TLN1: variants seen among roughly 807,000 people sequenced by gnomAD.
The protein encoded by TLN1 is talin 1, also known as talin-1.
TLN1 carries 56 observed loss-of-function variants against 292.3 expected under a neutral mutation model. The ratio of observed to expected loss-of-function variants is 0.19; its 90% CI spans 0.15 to 0.24. The LOEUF (loss-of-function observed/expected upper bound fraction) is 0.24, where lower values mean the gene tolerates loss of function less well. TLN1 is among the 10% of genes least tolerant of loss of function. The pLI, the probability that TLN1 is intolerant of heterozygous loss-of-function variation, is 1.00. For synonymous variants in TLN1, 1,119 were observed against 1,253.7 expected, an observed-to-expected ratio of 0.89 and a Z score of 2.27; for missense variants, 2,433 against 3,248.2, an observed-to-expected ratio of 0.75 and a Z score of 6.10.
In TLN1 at chr9:35,704,347, G is replaced by A; in HGVS notation, c.6032C>T (p.Thr2011Ile). The change falls in exon 45 of 57, where the codon ACT becomes ATT. Residue 2011 changes from threonine (T) to isoleucine (I), a missense_variant. Thr to Ile is a moderately conservative substitution (Grantham distance 89). Transcript: ENST00000314888. This position sits in a 1 kb window ranked among gnomAD's most constrained non-coding sequence, Gnocchi z 6.9. ...AGTLNREGTE[T>I]FADHREGILK... The stretch of plus-strand genomic sequence containing the variant: ...CCTGTCTTACCGGTGGTCAGCGAAA[G>A]TTTCAGTACCCTCACGATTGAGCGT... 6.2e-7 allele frequency: 1 copy of A among 1,613,726 alleles called. No individual in the cohort carries two copies. The highest frequency in any genetic ancestry group is 1.1e-5 in the South Asian group (1 of 91,044).
In TLN1 at chr9:35,706,226, G is replaced by A; in HGVS notation, c.5331C>T (p.Tyr1777=). ...TLAESALQLL[Y]TAKEAGGNPK... is the part of the protein sequence containing the mutation. ...GGTTACCACCAGCCTCCTTGGCAGT[G>A]TATAGCAACTGCAGGGCAGACTCTG... is the stretch of plus-strand genomic sequence containing the variant. The change falls in exon 40 of 57, where the codon TAC becomes TAT. Residue 1777 remains tyrosine, a synonymous_variant. Coordinates refer to ENST00000314888, the MANE Select transcript of TLN1 (RefSeq NM_006289.4). The surrounding 1 kb of genome is among the most constrained non-coding windows in gnomAD (Gnocchi z 4.2). 6.2e-7 allele frequency: 1 copy of A among 1,610,996 alleles called. No homozygotes were observed. Among genetic ancestry groups the A allele is most frequent in the Non-Finnish European group, 8.5e-7 (1 of 1,178,356 alleles).
In TLN1 at chr9:35,698,182, G is replaced by C. The variant is rs766871894; in HGVS notation, c.7372-10C>G. The C allele has an allele frequency of 5.6e-6, 9 of 1,613,756 alleles. No homozygotes were observed. The African/African-American group carries it at 6.7e-5, about 12-fold the overall frequency. The stretch of plus-strand genomic sequence containing the variant: ...CTGCGTTGCCAGCAGCCTGGGCAGA[G>C]AGAAAGTGGCCTAGGTTGAGAACTC... On this transcript the variant is annotated splice_polypyrimidine_tract_variant and intron_variant, in intron 55 of 56. Transcript: ENST00000314888. The surrounding 1 kb of genome is among the most constrained non-coding windows in gnomAD (Gnocchi z 5.3).
Position 35,722,231 on chromosome 9 carries a change from T to C in TLN1, c.844-8A>G, listed in dbSNP as rs1443401673. 6.2e-7 allele frequency: 1 copy of C among 1,612,858 alleles called. No individual in the cohort carries two copies. Among genetic ancestry groups the C allele is most frequent in the East Asian group, 2.2e-5 (1 of 44,884 alleles). The stretch of plus-strand genomic sequence containing the variant: ...CCCACAATTCTTGTGTGCCTGTGCA[T>C]AAAATGGGGAAGAATTTAGCAAAGA... On this transcript the variant is annotated splice_region_variant and splice_polypyrimidine_tract_variant and intron_variant, in intron 8 of 56. Coordinates refer to ENST00000314888, the MANE Select transcript of TLN1 (RefSeq NM_006289.4).
chr9:35,697,594 C>CT lies in TLN1; in HGVS notation c.*196dup. ...GGGAGGGGCAGGCACTTGGGGGGCC[C>CT]TAGGGCATGAAGGCACTTGGGGTTG... On this transcript the variant is annotated 3_prime_UTR_variant, in exon 57 of 57. Coordinates refer to ENST00000314888, the MANE Select transcript of TLN1 (RefSeq NM_006289.4). The CT allele has an allele frequency of 1.4e-6, 1 of 691,650 alleles. No homozygotes were observed. Among genetic ancestry groups the CT allele is most frequent in the Admixed American group, 3.1e-5 (1 of 32,438 alleles). The allele number at this position is 691,650 out of a possible 1,614,324, so 42.8% of individuals were successfully genotyped here. A position where few individuals can be genotyped will look rare whatever the true frequency, so the allele number is the denominator to read the frequency against.
Position 35,699,651 on chromosome 9 carries a change from C to T in TLN1, c.6769-190G>A, listed in dbSNP as rs1364818617. 1.0e-6 allele frequency: 1 copy of T among 985,362 alleles called. No individual in the cohort carries two copies. Among genetic ancestry groups the T allele is most frequent in the Non-Finnish European group, 1.2e-6 (1 of 829,938 alleles). The allele number at this position is 985,362 out of a possible 1,614,324, so 61.0% of individuals were successfully genotyped here. A position where few individuals can be genotyped will look rare whatever the true frequency, so the allele number is the denominator to read the frequency against. On this transcript the variant is annotated intron_variant, in intron 50 of 56. Coordinates refer to ENST00000314888, the MANE Select transcript of TLN1 (RefSeq NM_006289.4). This position sits in a 1 kb window ranked among gnomAD's most constrained non-coding sequence, Gnocchi z 4.0. Reference sequence around the variant, plus strand: ...CTCACACGTGATAGAGACAGTGGGGCTGTGTCACTCACCGGCTGACAAGGA... The same window carrying T: ...CTCACACGTGATAGAGACAGTGGGGTTGTGTCACTCACCGGCTGACAAGGA...
intron 11 of TLN1, 64 bp from the exon 12 acceptor site, chr9:35,720,573 A>G: frequency 6.6e-7 from 1 of 1,510,440 alleles, no homozygotes; most frequent in Non-Finnish European, 9.2e-7. Context: ...GAGAAAAGGC[A>G]GCCTCTTCTT....
rs756368221 is a variant in TLN1, at chr9:35,725,586, G to C, written c.109C>G (p.Pro37Ala). Residue 37 changes from proline (P) to alanine (A), a missense_variant, in exon 2 of 57, where the codon CCA (proline) becomes GCA (alanine). This residue lies in a region of TLN1 where 155 missense variants were observed against 287.9 expected (regional missense o/e 0.54). Coordinates refer to ENST00000314888, the MANE Select transcript of TLN1 (RefSeq NM_006289.4). ...DACRIIRERI[P>A]EAPAGPPSDF... ...TCACGAGGACCAGCTGGGGCCTCTG[G>C]GATCCGCTCACGAATGATGCGGCAG... is the stretch of plus-strand genomic sequence containing the variant. The C allele has an allele frequency of 1.4e-5, 23 of 1,613,272 alleles. No individual in the cohort carries two copies. In the Admixed American group the frequency reaches 3.7e-4, roughly 26 times the overall value.
In TLN1 at chr9:35,714,795, C is replaced by G; in HGVS notation, c.2836G>C (p.Ala946Pro). 6.3e-7 allele frequency: 1 copy of G among 1,583,950 alleles called. No homozygotes were observed. Among genetic ancestry groups the G allele is most frequent in the South Asian group, 1.2e-5 (1 of 85,396 alleles). Residue 946 changes from alanine to proline, a missense_variant, in exon 22 of 57, where the codon GCC (alanine) becomes CCC (proline). By Grantham distance (27) the Ala-to-Pro change is conservative (BLOSUM62 -1). Transcript: ENST00000314888. This position sits in a 1 kb window ranked among gnomAD's most constrained non-coding sequence, Gnocchi z 4.6. ...TGCACCAGCAGGGGCTGGGGGCCGG[C>G]AGAGGCCTTGGGGGTAGAGGCTGCG... ...QHAASTPKASAGPQPLLVQSC... is the reference protein window; with the variant it reads ...QHAASTPKASPGPQPLLVQSC...
chr9:35,719,605 T>C lies in TLN1; in HGVS notation c.1601A>G (p.Asn534Ser). Residue 534 changes from asparagine (N) to serine (S), a missense_variant, in exon 15 of 57, where the codon AAC becomes AGC. By Grantham distance (46) the Asn-to-Ser change is conservative. Around this residue, in one of 7 missense-constraint regions of TLN1, gnomAD observed 617 missense variants for 770.6 expected, o/e 0.80. Coordinates refer to ENST00000314888, the MANE Select transcript of TLN1 (RefSeq NM_006289.4). The surrounding 1 kb of genome is among the most constrained non-coding windows in gnomAD (Gnocchi z 4.6). ...CTCATGCTTTGATTCATCCATCTTGTTTTTACGCCAGGCCTTAGAGGCCTG... is the reference window on the plus strand; with the variant it reads ...CTCATGCTTTGATTCATCCATCTTGCTTTTACGCCAGGCCTTAGAGGCCTG... ...QDAASKAWRKNKMDESKHEIH... is the reference protein window; with the variant it reads ...QDAASKAWRKSKMDESKHEIH... The C allele has an allele frequency of 6.2e-7, 1 of 1,614,146 alleles. No homozygotes were observed. The highest frequency in any genetic ancestry group is 8.5e-7 in the Non-Finnish European group (1 of 1,180,018).
At chr9:35,713,339 A>G in intron 25 of TLN1, 41 bp from the exon 26 acceptor site, 1 of 1,517,818 alleles carries the variant, frequency 6.6e-7, no homozygotes, top group Non-Finnish European at 9.0e-7. Context: ...AGAAAGGAGA[A>G]GGTGAGGAGA....
chr9:35,707,101 G>C lies in TLN1; in HGVS notation c.4926C>G (p.Asp1642Glu). Residue 1642 changes from aspartate to glutamate, a missense_variant, in exon 37 of 57, where the codon GAC becomes GAG. Around this residue, in one of 7 missense-constraint regions of TLN1, gnomAD observed 1,384 missense variants for 1,699.6 expected, o/e 0.81. Transcript: ENST00000314888. This position sits in a 1 kb window ranked among gnomAD's most constrained non-coding sequence, Gnocchi z 5.6. ...VLAGHSRTVSDSIKKLITSMR... is the reference protein window; with the variant it reads ...VLAGHSRTVSESIKKLITSMR... ...TGCTTGTAATTAGCTTCTTGATGGAGTCTGAGACAGTACGGGAGTGGCCGG... is the reference window on the plus strand; with the variant it reads ...TGCTTGTAATTAGCTTCTTGATGGACTCTGAGACAGTACGGGAGTGGCCGG... 1 of 1,612,802 alleles carries C rather than the reference G, an allele frequency of 6.2e-7. No individual in the cohort carries two copies. Among genetic ancestry groups the C allele is most frequent in the Non-Finnish European group, 8.5e-7 (1 of 1,179,756 alleles).
At chr9:35,712,381 C>A (rs1825688623) in intron 27 of TLN1, among the ~76,000 whole-genome samples, 1 of 152,202 alleles carries the variant, frequency 6.6e-6, no homozygotes, top group African/African-American at 2.4e-5. Flanking sequence ...CACAGTGGCT[C>A]ACGCCTGTAA....
At chr9:35,700,424 G>A (rs1825445034) in intron 48 of TLN1, 48 bp from the exon 49 acceptor site, 1 of 1,561,478 alleles carries the variant, frequency 6.4e-7, no homozygotes, top group Non-Finnish European at 8.7e-7. Flanking sequence ...CTGAGACTAT[G>A]AGACAGCGTA....
intron 47 of TLN1, 44 bp downstream of exon 47, chr9:35,703,731 G>A (rs1825509334): frequency 6.2e-7 from 1 of 1,614,186 alleles, no homozygotes; most frequent in Non-Finnish European, 8.5e-7. Flanking sequence ...GAGGAAGTAT[G>A]TTAATCCAGT....
At position 35,723,147 on chromosome 9, in the gene TLN1, G is replaced by C. The variant is rs576324420; in HGVS notation, c.783-226C>G. ...ATGGAGTTTCACTCTTGTTGCCCAGGCTGGAGTGCAATGGCACGATCTCAG... is the reference window on the plus strand; with the variant it reads ...ATGGAGTTTCACTCTTGTTGCCCAGCCTGGAGTGCAATGGCACGATCTCAG... On this transcript the variant is annotated intron_variant, in intron 7 of 56. Transcript: ENST00000314888. The C allele has an allele frequency of 1.9e-3, 761 of 396,076 alleles. 2 individuals are homozygous for C. The highest frequency in any genetic ancestry group is 3.1e-3 in the Non-Finnish European group (658 of 212,122). 24.5% of individuals were successfully genotyped at this position (396,076 alleles called of 1,614,324 possible).
rs549437682 is a variant in TLN1, at chr9:35,699,633, G to A, written c.6769-172C>T. ...ACACATCATGCATCACACCTCACAC[G>A]TGATAGAGACAGTGGGGCTGTGTCA... On this transcript the variant is annotated intron_variant, in intron 50 of 56. Transcript: ENST00000314888. This position sits in a 1 kb window ranked among gnomAD's most constrained non-coding sequence, Gnocchi z 4.0. The A allele has an allele frequency of 2.9e-5, 29 of 985,354 alleles. No individual in the cohort carries two copies. Among genetic ancestry groups the A allele is most frequent in the Admixed American group, 1.2e-4 (2 of 16,286 alleles). The allele number at this position is 985,354 out of a possible 1,614,324, so 61.0% of individuals were successfully genotyped here. A position where few individuals can be genotyped will look rare whatever the true frequency, so the allele number is the denominator to read the frequency against.
chr9:35,718,651 C>A (rs1825827553), intron 17 of TLN1, among the ~76,000 whole-genome samples, 161 bp downstream of exon 17: 1 of 152,128 alleles, frequency 6.6e-6, no homozygotes, highest in Non-Finnish European at 1.5e-5. Context: ...ATTCTAACCC[C>A]TAAAAGAGAG....
chr9:35,704,154 G>C lies in TLN1; in HGVS notation c.6068C>G (p.Ala2023Gly). ...CTTGGTGTCCTCCACCAGCACCTTC[G>C]CAGTCTTCAGGATGCCCTCCCTGAG... ...ADHREGILKTAKVLVEDTKVL... is the reference protein window; with the variant it reads ...ADHREGILKTGKVLVEDTKVL... The change falls in exon 46 of 57, where the codon GCG becomes GGG. Residue 2023 changes from alanine (A) to glycine (G), a missense_variant. Physicochemically the swap from Ala to Gly is moderately conservative, Grantham distance 60 (BLOSUM62 0). This residue lies in a region of TLN1 where 1,384 missense variants were observed against 1,699.6 expected (regional missense o/e 0.81). Coordinates refer to ENST00000314888, the MANE Select transcript of TLN1 (RefSeq NM_006289.4). The surrounding 1 kb of genome is among the most constrained non-coding windows in gnomAD (Gnocchi z 6.9). 4.4e-6 allele frequency: 7 copies of C among 1,603,562 alleles called. No individual in the cohort carries two copies. The highest frequency in any genetic ancestry group is 6.0e-6 in the Non-Finnish European group (7 of 1,174,258).
At chr9:35,708,523 T>G in intron 33 of TLN1, 39 bp from the exon 34 acceptor site, 1 of 1,499,116 alleles carries the variant, frequency 6.7e-7, no homozygotes, top group Non-Finnish European at 9.0e-7. Context: ...GGAATAAAGA[T>G]TGCAGGTGGG....
Sources: allele counts gnomAD v4.1 joint callset (sites outside exome capture counted in the v4.1 genomes callset), GRCh38; gene constraint gnomAD v4.1.1; regional missense constraint gnomAD v4.1.1; non-coding constraint Gnocchi (gnomAD v3.1); transcripts MANE v1.5; gene names NCBI Gene and HGNC (gene_info 2026-07-23, HGNC 2026-07-21).